The following CEP128 variants were observed in gnomAD, a reference collection of about 807,000 sequenced individuals.
The protein encoded by CEP128 is centrosomal protein 128kDa.
CEP128 carries 132 observed loss-of-function variants against 156.7 expected under a neutral mutation model. The observed-to-expected ratio is 0.84, with a 90% CI of 0.73 to 0.97. The LOEUF (loss-of-function observed/expected upper bound fraction) is 0.97. Ranked by LOEUF, CEP128 falls within the 50% of genes least tolerant of loss-of-function variation. The pLI is 0.00. For synonymous variants in CEP128, 469 were observed against 448.9 expected (o/e 1.04, Z -0.57); for missense variants, 1,252 against 1,281.9 (o/e 0.98, Z 0.36).
Position 80,801,908 on chromosome 14 carries a change from CCCAAAAAAAAAA to C in CEP128, c.1210-8810_1210-8799del, listed in dbSNP as rs1183831389. Among the ~76,000 whole-genome samples the C allele has an allele frequency of 1.6e-3, 30 of 18,714 alleles. 1 individual carries two copies. The South Asian group carries it at 0.018, about 11-fold the overall frequency. 12.3% of individuals were successfully genotyped at this position (18,714 alleles called of 152,430 possible). A position where few individuals can be genotyped will look rare whatever the true frequency, so the allele number is the denominator to read the frequency against. ...GGGTGACAGTGTGAGACTCTGTCTC[CCCAAAAAAAAAA>C]AAAAAAAAAAAAAAAAAGCTCAACA... On this transcript the variant is annotated intron_variant, in intron 13 of 24. Transcript: ENST00000555265.
upstream of CEP128, among the ~76,000 whole-genome samples, chr14:80,944,501 C>A (rs916991532): frequency 3.3e-5 from 5 of 152,266 alleles, no homozygotes; most frequent in South Asian, 8.3e-4. Flanking sequence ...GAGGCTTCCC[C>A]AGCCATGCAG....
At chr14:80,563,907 A>T (rs999040800) in intron 20 of CEP128, among the ~76,000 whole-genome samples, 1 of 152,206 alleles carries the variant, frequency 6.6e-6, no homozygotes, top group African/African-American at 2.4e-5. Flanking sequence ...TTATTGTATT[A>T]CACTAAATGT....
At chr14:80,928,293 G>A (rs1272652440) in intron 2 of CEP128, among the ~76,000 whole-genome samples, 2 of 152,038 alleles carry the variant, frequency 1.3e-5, no homozygotes, top group African/African-American at 4.8e-5. Flanking sequence ...AAACCAAGAT[G>A]AAATTTTTGA....
At chr14:80,518,730 A>C (rs1367274323) in intron 23 of CEP128, among the ~76,000 whole-genome samples, 2 of 152,070 alleles carry the variant, frequency 1.3e-5, no homozygotes, top group African/African-American at 2.4e-5. Context: ...ACTCACATTT[A>C]TTTCTTTCAC....
chr14:80,547,730 G>A (rs979633955), intron 21 of CEP128, among the ~76,000 whole-genome samples: 1 of 151,808 alleles, frequency 6.6e-6, no homozygotes, highest in African/African-American at 2.4e-5. Flanking sequence ...TGGCAACATA[G>A]AAATTTTGTG....
At chr14:80,569,583 C>T (rs572403230) in intron 20 of CEP128, among the ~76,000 whole-genome samples, 5 of 152,238 alleles carry the variant, frequency 3.3e-5, no homozygotes, top group African/African-American at 1.2e-4. Context: ...TTTCCATTTA[C>T]CAAATTATTT....
At chr14:80,884,266 T>A (rs1888687777) in intron 8 of CEP128, among the ~76,000 whole-genome samples, 1 of 152,088 alleles carries the variant, frequency 6.6e-6, no homozygotes. Context: ...CACAGCGAAG[T>A]TAGCAATCAT....
chr14:80,676,937 A>C (rs533483203), intron 19 of CEP128, among the ~76,000 whole-genome samples: 1 of 152,278 alleles, frequency 6.6e-6, no homozygotes, highest in East Asian at 1.9e-4. Context: ...ATTGTGAATG[A>C]AATGAGCCTA....
At chr14:80,765,284 T>G (rs1408758010) in intron 16 of CEP128, among the ~76,000 whole-genome samples, 1 of 152,188 alleles carries the variant, frequency 6.6e-6, no homozygotes, top group Non-Finnish European at 1.5e-5. Context: ...CGCAGTTTCA[T>G]GTTTTAGAAA....
intron 13 of CEP128, among the ~76,000 whole-genome samples, chr14:80,801,339 C>G (rs1386279859): frequency 2.6e-5 from 4 of 152,104 alleles, no homozygotes. Flanking sequence ...ATGCTTCCAG[C>G]TTTTGCCCAT....
intron 14 of CEP128, among the ~76,000 whole-genome samples, chr14:80,479,371 A>C (rs1887006800): frequency 1.3e-5 from 2 of 152,180 alleles, no homozygotes. Flanking sequence ...AAAGAGGTTT[A>C]ATTGGACTCG....
chr14:80,774,472 A>G (rs568714275), intron 16 of CEP128, among the ~76,000 whole-genome samples: 4 of 152,304 alleles, frequency 2.6e-5, no homozygotes, highest in African/African-American at 9.6e-5. Flanking sequence ...CTTACATGGT[A>G]ATCTTCAGGC....
intron 13 of CEP128, 159 bp downstream of exon 13, chr14:80,830,984 T>A (rs1885757934): frequency 3.2e-6 from 2 of 634,640 alleles, no homozygotes; most frequent in African/African-American, 1.8e-5. Context: ...CCATAGGAAT[T>A]TCTACATATA....
rs1260869433 is a variant in CEP128 at position 80,732,605 on chromosome 14, G to A, written c.2806+10470C>T. Among the ~76,000 whole-genome samples the A allele has an allele frequency of 3.3e-5, 5 of 151,064 alleles. No individual in the cohort carries two copies. In the East Asian group the frequency reaches 5.9e-4, roughly 18 times the overall value. ...TCACAAAAAACACAAAACCGAAATC[G>A]GTGATTTACTTTTTTGTATTAATTT... is the stretch of plus-strand genomic sequence containing the variant. On this transcript the variant is annotated intron_variant, in intron 19 of 24. Transcript: ENST00000555265.
chr14:80,873,560 C>A (rs999135863), intron 8 of CEP128, among the ~76,000 whole-genome samples: 9 of 152,096 alleles, frequency 5.9e-5, no homozygotes, highest in African/African-American at 2.2e-4. Flanking sequence ...CTAATAGTTT[C>A]AAAAAACAGC....
At chr14:80,538,211 A>G (rs1363898370) in intron 21 of CEP128, among the ~76,000 whole-genome samples, 2 of 152,178 alleles carry the variant, frequency 1.3e-5, no homozygotes, top group African/African-American at 4.8e-5. Context: ...TAAAACGTGA[A>G]GAGGTCAGTG....
intron 13 of CEP128, among the ~76,000 whole-genome samples, chr14:80,829,979 T>C (rs10135084): frequency 0.6 from 90,544 of 152,090 alleles, 27,291 homozygotes; most frequent in East Asian, 0.79. Flanking sequence ...GGAGGACCAA[T>C]GTGTGGTTAT....
At chr14:80,917,519 ATT>A (rs1265823819) in intron 2 of CEP128, among the ~76,000 whole-genome samples, 1 of 152,124 alleles carries the variant, frequency 6.6e-6, no homozygotes, top group Admixed American at 6.5e-5. Context: ...TGATAAAAAC[ATT>A]TCTTTTTTGT....
At chr14:80,631,897 CT>C (rs1893974197) in intron 19 of CEP128, among the ~76,000 whole-genome samples, 1 of 151,802 alleles carries the variant, frequency 6.6e-6, no homozygotes, top group Non-Finnish European at 1.5e-5. Context: ...ATGAAGACAC[CT>C]TTTTTCCCCC....
Sources: gnomAD v4.1 joint callset for allele counts (sites outside exome capture counted in the v4.1 genomes callset) on GRCh38, gnomAD v4.1.1 for gene constraint, MANE v1.5 for transcripts, NCBI Gene and HGNC (gene_info 2026-07-23, HGNC 2026-07-21) for gene names.